Variants in PLCH1 observed in about 807,000 individuals in gnomAD.
PLCH1 encodes the protein phospholipase C eta 1, also known as 1-phosphatidylinositol 4,5-bisphosphate phosphodiesterase eta-1.
In PLCH1, 60 loss-of-function variants were observed where a neutral mutation model predicts 126.7. The observed-to-expected ratio is 0.47, with a 90% CI of 0.38 to 0.59. PLCH1 has a LOEUF of 0.59. Among genes scored for constraint, PLCH1 ranks in the 20% least tolerant of loss-of-function variants. The pLI, the probability that PLCH1 is intolerant of heterozygous loss-of-function variation, is 0.00. For synonymous variants in PLCH1, 719 were observed against 734.9 expected (o/e 0.98, Z 0.35); for missense variants, 1,723 against 2,040.0 (o/e 0.84, Z 2.99).
chr3:155,741,461 T>C (rs910382575), intron 1 of PLCH1, among the ~76,000 whole-genome samples: 1 of 152,090 alleles, frequency 6.6e-6, no homozygotes. Context: ...CATGAGGTGG[T>C]GAAGGAAAGA....
At chr3:155,473,154 T>C (rs1183856411) in intron 21 of PLCH1, among the ~76,000 whole-genome samples, 8 of 148,764 alleles carry the variant, frequency 5.4e-5, no homozygotes, top group South Asian at 2.2e-4. Context: ...TGTTTGCAGA[T>C]GACATGATTG....
At chr3:155,529,596 C>T (rs973918590) in intron 10 of PLCH1, among the ~76,000 whole-genome samples, 26 of 152,118 alleles carry the variant, frequency 1.7e-4, no homozygotes, top group African/African-American at 5.5e-4. Context: ...AAAGTACATA[C>T]GTTAATTTAA....
At chr3:155,517,936 T>G (rs1251874700) in intron 11 of PLCH1, among the ~76,000 whole-genome samples, 3 of 152,152 alleles carry the variant, frequency 2.0e-5, no homozygotes, top group South Asian at 2.1e-4. Context: ...AAAAAGCAAC[T>G]AAGATTGTAC....
intron 2 of PLCH1, among the ~76,000 whole-genome samples, chr3:155,639,504 C>A (rs775839245): frequency 6.6e-6 from 1 of 152,048 alleles, no homozygotes; most frequent in African/African-American, 2.4e-5. Context: ...TCACAGTCCT[C>A]GGTACCAAAG....
intron 10 of PLCH1, among the ~76,000 whole-genome samples, chr3:155,524,430 T>C (rs1369272061): frequency 6.6e-6 from 1 of 152,058 alleles, no homozygotes; most frequent in Non-Finnish European, 1.5e-5. Flanking sequence ...TTAAAAAGGG[T>C]TTATTGTATA....
chr3:155,686,170 C>T (rs1577318921), intron 2 of PLCH1, among the ~76,000 whole-genome samples: 1 of 152,044 alleles, frequency 6.6e-6, no homozygotes, highest in Non-Finnish European at 1.5e-5. Flanking sequence ...TACAAGTACA[C>T]AATGATAAAG....
At chr3:155,521,745 C>T (rs1053499930) in intron 11 of PLCH1, among the ~76,000 whole-genome samples, 2 of 152,166 alleles carry the variant, frequency 1.3e-5, no homozygotes, top group African/African-American at 2.4e-5. Flanking sequence ...CACGGCATTG[C>T]CTTTTCTCAG....
chr3:155,700,959 TTC>T, intron 2 of PLCH1, among the ~76,000 whole-genome samples: 1 of 152,314 alleles, frequency 6.6e-6, no homozygotes, highest in South Asian at 2.1e-4. Flanking sequence ...AGAGATTAGC[TTC>T]TCTGATAGGT....
In PLCH1 at chr3:155,482,367, G is replaced by A. The variant is rs1185859088; in HGVS notation, c.3659C>T (p.Pro1220Leu). 1 of 1,613,976 alleles carries A rather than the reference G, an allele frequency of 6.2e-7. No individual in the cohort carries two copies. Among genetic ancestry groups the A allele is most frequent in the Non-Finnish European group, 8.5e-7 (1 of 1,179,910 alleles). ...HNTSVMSGHC[P>L]LPSLGLKMPI... ...CATTTTTAGGCCCAGGCTAGGCAAG[G>A]GACAATGGCCTGACATCACACTGGT... The change falls in exon 23 of 23, where the codon CCC (proline) becomes CTC (leucine). Residue 1220 changes from proline to leucine, a missense_variant. Pro to Leu is a moderately conservative substitution (Grantham distance 98). Transcript: ENST00000460012.
chr3:155,564,804 TA>T (rs1728106225), intron 8 of PLCH1, 110 bp downstream of exon 8: 1 of 664,734 alleles, frequency 1.5e-6, no homozygotes, highest in Non-Finnish European at 2.7e-6. Flanking sequence ...AAAGTAGTAC[TA>T]ATTAGTGTGA....
intron 9 of PLCH1, among the ~76,000 whole-genome samples, chr3:155,553,260 G>GTGTA (rs929952425): frequency 6.6e-6 from 1 of 152,136 alleles, no homozygotes; most frequent in Non-Finnish European, 1.5e-5. Context: ...GATTACAGAT[G>GTGTA]TGTACCACTA....
chr3:155,483,387 G>T, intron 22 of PLCH1: 1 of 1,539,102 alleles, frequency 6.5e-7, no homozygotes, highest in Non-Finnish European at 8.8e-7. Context: ...CTACACAGAA[G>T]CATGGCAATA....
downstream of PLCH1, among the ~76,000 whole-genome samples, chr3:155,479,606 A>G (rs139772113): frequency 7.4e-5 from 11 of 149,488 alleles, no homozygotes; most frequent in Non-Finnish European, 4.4e-5. Context: ...CCCACCACCC[A>G]CCACCACAAC....
At chr3:155,677,668 ATTAAT>A (rs764981370) in intron 2 of PLCH1, among the ~76,000 whole-genome samples, 5 of 152,222 alleles carry the variant, frequency 3.3e-5, no homozygotes, top group Non-Finnish European at 5.9e-5. Flanking sequence ...TATTGCAGTA[ATTAAT>A]TTAATACACA....
chr3:155,718,487 G>A (rs1369675995), intron 1 of PLCH1, among the ~76,000 whole-genome samples: 8 of 152,232 alleles, frequency 5.3e-5, no homozygotes, highest in African/African-American at 1.9e-4. Flanking sequence ...CTCAGATTGG[G>A]TAATTTATAA....
intron 12 of PLCH1, among the ~76,000 whole-genome samples, chr3:155,511,956 T>G (rs547055195): frequency 1.3e-5 from 2 of 152,168 alleles, no homozygotes; most frequent in African/African-American, 4.8e-5. Flanking sequence ...CCAGCCTCAT[T>G]GCCGCCTTGC....
At position 155,482,267 on chromosome 3, in the gene PLCH1, G is replaced by T. The variant is rs980323540; in HGVS notation, c.3759C>A (p.Leu1253=). The change falls in exon 23 of 23, where the codon CTC becomes CTA. Residue 1253 remains leucine, a synonymous_variant. Transcript: ENST00000460012. ...FLCSSPELIA[L]SSSETTKHAT... ...CATGTTTGGTGGTCTCAGAACTCGA[G>T]AGTGCTATCAGCTCCGGAGATGAGC... 3.1e-6 allele frequency: 5 copies of T among 1,614,034 alleles called. No homozygotes were observed. The Admixed American group carries it at 8.3e-5, about 27-fold the overall frequency.
At chr3:155,670,606 T>C (rs1048187893) in intron 2 of PLCH1, among the ~76,000 whole-genome samples, 1 of 152,046 alleles carries the variant, frequency 6.6e-6, no homozygotes, top group Non-Finnish European at 1.5e-5. Context: ...AAAACTTCAA[T>C]GGGTAGGGTT....
At chr3:155,591,019 T>C (rs950388781) in intron 4 of PLCH1, among the ~76,000 whole-genome samples, 3 of 152,210 alleles carry the variant, frequency 2.0e-5, no homozygotes, top group African/African-American at 7.2e-5. Flanking sequence ...TCCCATAGAC[T>C]ATGAAAACTT....
Sources: gnomAD v4.1 joint callset for allele counts (sites outside exome capture counted in the v4.1 genomes callset) on GRCh38, gnomAD v4.1.1 for gene constraint, MANE v1.5 for transcripts, NCBI Gene and HGNC (gene_info 2026-07-23, HGNC 2026-07-21) for gene names.